Variants in PUM1 observed in about 807,000 individuals in gnomAD.
PUM1 encodes pumilio RNA binding family member 1, also known as pumilio homolog 1.
A neutral mutation model predicts 131.8 loss-of-function variants in PUM1; 13 were observed. The observed-to-expected ratio is 0.10, with a 90% CI of 0.06 to 0.16. The LOEUF is 0.16. Among genes scored for constraint, PUM1 ranks in the 10% least tolerant of loss-of-function variants. The pLI is 1.00. For synonymous variants in PUM1, 509 were observed against 556.5 expected (o/e 0.91, Z 1.20); for missense variants, 961 against 1,512.4 (o/e 0.64, Z 6.05).
chr1:30,937,397 T>C (rs564911370), intron 20 of PUM1, among the ~76,000 whole-genome samples: 79 of 152,222 alleles, frequency 5.2e-4, no homozygotes, highest in Admixed American at 4.6e-3. Flanking sequence ...TCCCAGCTAC[T>C]TGGGAGGTTG....
intron 2 of PUM1, among the ~76,000 whole-genome samples, chr1:31,043,837 A>G (rs1481382194): frequency 1.3e-5 from 2 of 152,186 alleles, no homozygotes; most frequent in Non-Finnish European, 2.9e-5. Context: ...CCAAATCCAT[A>G]GTGTAAGTTG....
intron 17 of PUM1, among the ~76,000 whole-genome samples, chr1:30,946,631 T>C (rs1162499612): frequency 2.2e-5 from 2 of 88,906 alleles, no homozygotes; most frequent in Non-Finnish European, 4.3e-5. Context: ...AGCGAGACTC[T>C]GTCTCAAAAA....
In PUM1 at chr1:30,953,696, C is replaced by T. The variant is rs769398606; in HGVS notation, c.2591+18G>A. Reference sequence around the variant, plus strand: ...TTACAATTTCGGGTACCTTAAAGTGCCAAAGCCAAGTACTCACCTGGACCC... The same window carrying T: ...TTACAATTTCGGGTACCTTAAAGTGTCAAAGCCAAGTACTCACCTGGACCC... On this transcript the variant is annotated intron_variant, in intron 15 of 21. Coordinates refer to ENST00000426105, the MANE Select transcript of PUM1 (RefSeq NM_001020658.2). 2.5e-6 allele frequency: 4 copies of T among 1,612,546 alleles called. No individual in the cohort carries two copies. The highest frequency in any genetic ancestry group is 1.3e-5 in the African/African-American group (1 of 74,876).
intron 14 of PUM1, among the ~76,000 whole-genome samples, chr1:30,959,830 C>T (rs147352893): frequency 6.6e-6 from 1 of 151,330 alleles, no homozygotes. Flanking sequence ...TGGTGTGAAC[C>T]CAGGGGGCAG....
Position 30,950,161 on chromosome 1 carries a change from G to C in PUM1, c.2822C>G (p.Ala941Gly). 6.2e-7 allele frequency: 1 copy of C among 1,613,820 alleles called. No individual in the cohort carries two copies. ...QMYGCRVIQKALEFIPSDQQV... is the reference protein window; with the variant it reads ...QMYGCRVIQKGLEFIPSDQQV... ...CTGGTCTGAAGGAATAAACTCAAGA[G>C]CTTTCTGGATAACACGGCAGCCATA... Residue 941 changes from alanine (A) to glycine (G), a missense_variant, in exon 17 of 22, where the codon GCT (alanine) becomes GGT (glycine). By Grantham distance (60) the Ala-to-Gly change is moderately conservative (BLOSUM62 0). Transcript: ENST00000426105.
Position 30,946,564 on chromosome 1 carries a change from G to A in PUM1, c.2857-1081C>T, listed in dbSNP as rs1307773548. 2.7e-5 allele frequency among the ~76,000 whole-genome samples: 4 copies of A among 150,826 alleles called. No homozygotes were observed. In the East Asian group the frequency reaches 7.8e-4, roughly 29 times the overall value. On this transcript the variant is annotated intron_variant, in intron 17 of 21. Transcript: ENST00000426105. ...AGGCAGGAGAATTTCTTGAACCGTG[G>A]AGGCGGAGGTTGCAGTGAGGCAAGA... is the stretch of plus-strand genomic sequence containing the variant.
At chr1:31,060,261 G>C (rs1323175890) in intron 1 of PUM1, among the ~76,000 whole-genome samples, 4 of 148,672 alleles carry the variant, frequency 2.7e-5, no homozygotes, top group Non-Finnish European at 4.5e-5. Flanking sequence ...AGGAGTTCAA[G>C]ACCAGCCTGG....
intron 7 of PUM1, among the ~76,000 whole-genome samples, chr1:30,988,587 A>G (rs1490847276): frequency 6.6e-6 from 1 of 152,226 alleles, no homozygotes; most frequent in Non-Finnish European, 1.5e-5. Flanking sequence ...GAATGTGCAG[A>G]AAAGTATGTG....
intron 5 of PUM1, among the ~76,000 whole-genome samples, chr1:31,002,074 G>A (rs901800214): frequency 3.3e-5 from 5 of 152,134 alleles, no homozygotes; most frequent in East Asian, 1.9e-4. Context: ...CTACACAGCC[G>A]TATGAATTAG....
rs761165435 is a variant in PUM1 at position 30,941,201 on chromosome 1, T to C, written c.3192A>G (p.Val1064=). The change falls in exon 20 of 22, where the codon GTA becomes GTG. Residue 1064 remains valine, a synonymous_variant. Transcript: ENST00000426105. ...HGRPEDKSKI[V]AEIRGNVLVL... is the part of the protein sequence containing the mutation. ...CAAGTACATTGCCTCGGATTTCTGC[T>C]ACAATTTTGCTTTTATCCTCAGGAC... 6.8e-6 allele frequency: 11 copies of C among 1,613,750 alleles called. No homozygotes were observed. In the Admixed American group the frequency reaches 1.3e-4, roughly 20 times the overall value.
intron 7 of PUM1, among the ~76,000 whole-genome samples, chr1:30,987,102 T>A (rs1641591571): frequency 6.6e-6 from 1 of 152,170 alleles, no homozygotes; most frequent in Non-Finnish European, 1.5e-5. Context: ...AACTGAATTC[T>A]AAATAAAGAT....
intron 14 of PUM1, among the ~76,000 whole-genome samples, chr1:30,955,272 G>A (rs978156823): frequency 4.0e-5 from 6 of 149,418 alleles, no homozygotes; most frequent in South Asian, 4.3e-4. Context: ...TGGCTAACAC[G>A]GTGAAACCCC....
chr1:30,972,759 A>C (rs923439162), intron 10 of PUM1, among the ~76,000 whole-genome samples: 1 of 150,122 alleles, frequency 6.7e-6, no homozygotes, highest in Non-Finnish European at 1.5e-5. Flanking sequence ...CAATAGAACT[A>C]GACTCCATCT....
chr1:30,992,455 T>C lies in PUM1; in HGVS notation c.1093A>G (p.Thr365Ala). 6.2e-7 allele frequency: 1 copy of C among 1,614,198 alleles called. No individual in the cohort carries two copies. Among genetic ancestry groups the C allele is most frequent in the South Asian group, 1.1e-5 (1 of 91,082 alleles). Residue 365 changes from threonine (T) to alanine (A), a missense_variant, in exon 7 of 22, where the codon ACG (threonine) becomes GCG (alanine). By Grantham distance (58) the Thr-to-Ala change is moderately conservative. Around this residue, in one of 4 missense-constraint regions of PUM1, gnomAD observed 654 missense variants for 923.9 expected, o/e 0.71. Transcript: ENST00000426105. ...GCTGCTGAGTCCACAGGTACCTGCG[T>C]GCCTGAATAATCAAACTGAAGAGGC... Reference protein sequence around the residue: ...MEPLQFDYSGTQVPVDSAAAT... With the variant: ...MEPLQFDYSGAQVPVDSAAAT...
intron 14 of PUM1, among the ~76,000 whole-genome samples, chr1:30,963,689 C>T (rs1263620986): frequency 6.6e-6 from 1 of 152,222 alleles, no homozygotes; most frequent in Admixed American, 6.5e-5. Context: ...CATGAAGCCA[C>T]TTTTAATCTT....
chr1:30,950,036 G>C, intron 17 of PUM1, 91 bp downstream of exon 17: 1 of 1,434,296 alleles, frequency 7.0e-7, no homozygotes, highest in Non-Finnish European at 9.4e-7. Flanking sequence ...AACCATAAAA[G>C]AAAACTGAAA....
At chr1:30,936,977 G>GTCTGACTCTCTCAGTC in intron 20 of PUM1, 142 bp from the exon 21 acceptor site, 1 of 681,796 alleles carries the variant, frequency 1.5e-6, no homozygotes, top group Non-Finnish European at 2.4e-6. Context: ...GTCGCCAACT[G>GTCTGACTCTCTCAGTC]TCTGACTCTC....
chr1:30,945,284 T>A, intron 18 of PUM1, 62 bp downstream of exon 18: 1 of 1,572,082 alleles, frequency 6.4e-7, no homozygotes. Context: ...CAAATCCTAC[T>A]CTGTTTTCTG....
intron 2 of PUM1, among the ~76,000 whole-genome samples, chr1:31,049,823 C>CTTTTTT (rs773718125): frequency 1.1e-4 from 9 of 80,000 alleles, no homozygotes; most frequent in Admixed American, 1.9e-4. Context: ...ACTGAACTTC[C>CTTTTTT]TTTTTTTTTT....
Sources: allele counts gnomAD v4.1 joint callset (sites outside exome capture counted in the v4.1 genomes callset), GRCh38; gene constraint gnomAD v4.1.1; regional missense constraint gnomAD v4.1.1; transcripts MANE v1.5; gene names NCBI Gene and HGNC (gene_info 2026-07-23, HGNC 2026-07-21).